SZT2: variants seen among roughly 807,000 people sequenced by gnomAD.
SZT2 encodes the protein KICSTOR complex protein SZT2.
Under a neutral mutation model 404.2 loss-of-function variants are expected in SZT2, and 216 were observed. The ratio of observed to expected loss-of-function variants is 0.53; its 90% CI spans 0.48 to 0.60. SZT2 has a LOEUF of 0.60. SZT2 is among the 20% of genes least tolerant of loss of function. SZT2 has a pLI of 0.00. For missense variants in SZT2, 3,857 were observed against 4,459.2 expected (o/e 0.86, Z 3.85); for synonymous variants, 1,693 against 1,749.9 (o/e 0.97, Z 0.81).
chr1:43,442,344 G>A lies in SZT2; in HGVS notation c.7950G>A (p.Leu2650=). 1 of 1,614,160 alleles carries A rather than the reference G, an allele frequency of 6.2e-7. No homozygotes were observed. The highest frequency in any genetic ancestry group is 8.5e-7 in the Non-Finnish European group (1 of 1,180,006). ...SGRNAPRQRL[L]LLEVVDKKLQ... ...GAAATGCTCCCCGGCAGAGGCTCTT[G>A]CTACTAGAGGTTGTGGACAAGAAGG... Residue 2650 remains leucine (L), a synonymous_variant, in exon 57 of 72, where the codon TTG becomes TTA. Coordinates refer to ENST00000634258, the MANE Select transcript of SZT2 (RefSeq NM_001365999.1). The surrounding 1 kb of genome is among the most constrained non-coding windows in gnomAD (Gnocchi z 4.5).
intron 35 of SZT2, 31 bp from the exon 36 acceptor site, chr1:43,431,685 A>T: frequency 1.9e-6 from 3 of 1,611,382 alleles, no homozygotes; most frequent in Non-Finnish European, 2.5e-6. Flanking sequence ...AGCAAGGGAG[A>T]TGCCCTTTGT....
intron 6 of SZT2, 97 bp from the exon 7 acceptor site, chr1:43,416,438 A>G (rs1410498936): frequency 1.1e-6 from 1 of 931,982 alleles, no homozygotes; most frequent in Non-Finnish European, 1.6e-6. Context: ...ATTGGTGGGA[A>G]GACACTGAGC....
Position 43,435,282 on chromosome 1 carries a change from G to A in SZT2, c.5987G>A (p.Ser1996Asn), listed in dbSNP as rs1316346657. 6 of 1,614,248 alleles carry A rather than the reference G, an allele frequency of 3.7e-6. No homozygotes were observed. Among genetic ancestry groups the A allele is most frequent in the East Asian group, 2.2e-5 (1 of 44,890 alleles). ...GAGAGTGAAGAAGATCTGTGGCGCA[G>A]TGAGACTCCCTTCCACTCCCGTCAG... ...VAESEEDLWR[S>N]ETPFHSRQRA... Residue 1996 changes from serine (S) to asparagine (N), a missense_variant, in exon 42 of 72, where the codon AGT becomes AAT. Around this residue, in one of 7 missense-constraint regions of SZT2, gnomAD observed 1,725 missense variants for 1,881.0 expected, o/e 0.92. Transcript: ENST00000634258.
Position 43,434,494 on chromosome 1 carries a change from C to T in SZT2, c.5904+9C>T. Reference sequence around the variant, plus strand: ...GCAGGGAGGTCAACCAGGTAAGGGGCAGGACTCTCCAGACCCGGACACACA... The same window carrying T: ...GCAGGGAGGTCAACCAGGTAAGGGGTAGGACTCTCCAGACCCGGACACACA... On this transcript the variant is annotated intron_variant, in intron 41 of 71. Transcript: ENST00000634258. 1 of 1,582,202 alleles carries T rather than the reference C, an allele frequency of 6.3e-7. No homozygotes were observed. The highest frequency in any genetic ancestry group is 8.6e-7 in the Non-Finnish European group (1 of 1,164,170).
In SZT2 at chr1:43,440,509, T is replaced by C. The variant is rs755853594; in HGVS notation, c.7267T>C (p.Phe2423Leu). 21 of 1,608,752 alleles carry C rather than the reference T, an allele frequency of 1.3e-5. No homozygotes were observed. Among genetic ancestry groups the C allele is most frequent in the Non-Finnish European group, 1.5e-5 (18 of 1,177,702 alleles). Residue 2423 changes from phenylalanine to leucine, a missense_variant, in exon 52 of 72, where the codon TTT becomes CTT. Phe to Leu is a conservative substitution (Grantham distance 22). Around this residue, in one of 7 missense-constraint regions of SZT2, gnomAD observed 573 missense variants for 592.4 expected, o/e 0.97. Coordinates refer to ENST00000634258, the MANE Select transcript of SZT2 (RefSeq NM_001365999.1). ...GAGCTCTGCAGGCCGAGCTAGCACC[T>C]TTCCCCCTGCCCCTGTCCCTGGGGA... Reference protein sequence around the residue: ...TKSSAGRASTFPPAPVPGEPV... With the variant: ...TKSSAGRASTLPPAPVPGEPV...
chr1:43,426,642 C>T lies in SZT2; in HGVS notation c.3215-73C>T. ...TGAGTTTTGGCTTTCCCCTTCCTCCCCCTTTCTTCAACCCAGAGTCCCGCC... is the reference window on the plus strand; with the variant it reads ...TGAGTTTTGGCTTTCCCCTTCCTCCTCCTTTCTTCAACCCAGAGTCCCGCC... On this transcript the variant is annotated intron_variant, in intron 22 of 71. Coordinates refer to ENST00000634258, the MANE Select transcript of SZT2 (RefSeq NM_001365999.1). This position sits in a 1 kb window ranked among gnomAD's most constrained non-coding sequence, Gnocchi z 4.9. The T allele has an allele frequency of 6.6e-7, 1 of 1,517,560 alleles. No homozygotes were observed. Among genetic ancestry groups the T allele is most frequent in the East Asian group, 2.5e-5 (1 of 40,798 alleles). The allele number at this position is 1,517,560 out of a possible 1,614,324, so 94.0% of individuals were successfully genotyped here. A position where few individuals can be genotyped will look rare whatever the true frequency, so the allele number is the denominator to read the frequency against.
intron 1 of SZT2, among the ~76,000 whole-genome samples, chr1:43,398,386 A>C (rs1272497475): frequency 6.6e-6 from 1 of 152,198 alleles, no homozygotes; most frequent in Non-Finnish European, 1.5e-5. Flanking sequence ...GTGATAAACA[A>C]ATGACTGCTG....
rs1020805440 is a variant in SZT2 at position 43,432,261 on chromosome 1, C to T, written c.5275-11C>T. On this transcript the variant is annotated splice_polypyrimidine_tract_variant and intron_variant, in intron 36 of 71. Coordinates refer to ENST00000634258, the MANE Select transcript of SZT2 (RefSeq NM_001365999.1). ...CCTGCCTAAACTGTGATCTTGGCTC[C>T]TGCTCTCTAGGAGTTCCGCCGCCTC... The T allele has an allele frequency of 6.5e-7, 1 of 1,533,632 alleles. No individual in the cohort carries two copies.
chr1:43,435,149 C>G (rs556641210), intron 41 of SZT2, 51 bp from the exon 42 acceptor site: 2 of 1,600,398 alleles, frequency 1.2e-6, no homozygotes, highest in South Asian at 1.1e-5. Context: ...CCACCACCAC[C>G]CACTTAGGAG....
intron 4 of SZT2, among the ~76,000 whole-genome samples, chr1:43,414,706 G>T (rs1231113626): frequency 6.6e-6 from 1 of 152,180 alleles, no homozygotes; most frequent in Non-Finnish European, 1.5e-5. Flanking sequence ...GCATTAAAAA[G>T]TATGAGAATA....
chr1:43,438,009 T>C, intron 46 of SZT2, 107 bp downstream of exon 46: 1 of 1,174,480 alleles, frequency 8.5e-7, no homozygotes, highest in Non-Finnish European at 1.2e-6. Flanking sequence ...TGTAACAGTC[T>C]CAGCCCAAGA....
At position 43,423,277 on chromosome 1, in the gene SZT2, T is replaced by C. The variant is rs1246831271; in HGVS notation, c.2216T>C (p.Leu739Pro). The C allele has an allele frequency of 1.3e-6, 2 of 1,564,582 alleles. No individual in the cohort carries two copies. The highest frequency in any genetic ancestry group is 2.4e-5 in the South Asian group (2 of 84,718). The stretch of plus-strand genomic sequence containing the variant: ...CAGGCCCTGTCTGACCGGCCCTGCC[T>C]TGTGGTCCTGCATAAGCCACTGGAC... ...PQQALSDRPCLVVLHKPLDKL... is the reference protein window; with the variant it reads ...PQQALSDRPCPVVLHKPLDKL... The change falls in exon 15 of 72, where the codon CTT becomes CCT. Residue 739 changes from leucine to proline, a missense_variant. Physicochemically the swap from Leu to Pro is moderately conservative, Grantham distance 98. Coordinates refer to ENST00000634258, the MANE Select transcript of SZT2 (RefSeq NM_001365999.1).
chr1:43,450,287 C>A lies in SZT2; in HGVS notation c.10156-50C>A. On this transcript the variant is annotated intron_variant, in intron 71 of 71. Coordinates refer to ENST00000634258, the MANE Select transcript of SZT2 (RefSeq NM_001365999.1). The surrounding 1 kb of genome is among the most constrained non-coding windows in gnomAD (Gnocchi z 4.3). ...CCCTTTCTGAGCCCTGCCTCCTATC[C>A]CCACCCATGCCCTCCTCTCACCAGT... 6.2e-7 allele frequency: 1 copy of A among 1,613,736 alleles called. No individual in the cohort carries two copies. The highest frequency in any genetic ancestry group is 8.5e-7 in the Non-Finnish European group (1 of 1,179,712).
Position 43,440,538 on chromosome 1 carries a change from T to G in SZT2, c.7296T>G (p.Pro2432=). 2 of 1,607,830 alleles carry G rather than the reference T, an allele frequency of 1.2e-6. No homozygotes were observed. The highest frequency in any genetic ancestry group is 1.7e-4 in the Middle Eastern group (1 of 6,042). Residue 2432 remains proline (P), a synonymous_variant, in exon 52 of 72, where the codon CCT becomes CCG. Transcript: ENST00000634258. ...CCCCTGCCCCTGTCCCTGGGGAGCC[T>G]GTGACTCCACCCAGCAAAGCGGGCC... ...TFPPAPVPGE[P]VTPPSKAGRR...
In SZT2 at chr1:43,427,089, A is replaced by T; in HGVS notation, c.3343A>T (p.Ile1115Phe). 6.2e-7 allele frequency: 1 copy of T among 1,614,042 alleles called. No homozygotes were observed. The highest frequency in any genetic ancestry group is 2.2e-5 in the East Asian group (1 of 44,866). Residue 1115 changes from isoleucine (I) to phenylalanine (F), a missense_variant, in exon 24 of 72, where the codon ATC becomes TTC. This residue lies in a region of SZT2 where 1,725 missense variants were observed against 1,881.0 expected (regional missense o/e 0.92). Coordinates refer to ENST00000634258, the MANE Select transcript of SZT2 (RefSeq NM_001365999.1). ...TCTTCCTGAAACTCTCAAGCCTCTCATCTCTGCCCAGCCCCCTCAGTGGCG... is the reference window on the plus strand; with the variant it reads ...TCTTCCTGAAACTCTCAAGCCTCTCTTCTCTGCCCAGCCCCCTCAGTGGCG... Reference protein sequence around the residue: ...VGLPETLKPLISAQPPQWRCY... With the variant: ...VGLPETLKPLFSAQPPQWRCY...
intron 65 of SZT2, 23 bp downstream of exon 65, chr1:43,446,439 C>A: frequency 1.2e-6 from 2 of 1,614,094 alleles, no homozygotes; most frequent in Non-Finnish European, 1.7e-6. Flanking sequence ...GCTGCGGGCA[C>A]AGTCAGTGCA....
rs2153936866 is a variant in SZT2 at position 43,447,846 on chromosome 1, C to G, written c.9441-3C>G. The G allele has an allele frequency of 6.2e-7, 1 of 1,614,084 alleles. No homozygotes were observed. The highest frequency in any genetic ancestry group is 8.5e-7 in the Non-Finnish European group (1 of 1,180,026). On this transcript the variant is annotated splice_polypyrimidine_tract_variant and splice_region_variant and intron_variant, in intron 67 of 71. Transcript: ENST00000634258. The stretch of plus-strand genomic sequence containing the variant: ...TGACATCTCCCCAACCCGTCCTGCA[C>G]AGTTCTGGCTCCTACCTGGACTCTG...
intron 62 of SZT2, among the ~76,000 whole-genome samples, chr1:43,444,158 G>A (rs553216821): frequency 2.0e-5 from 3 of 152,226 alleles, no homozygotes; most frequent in South Asian, 2.1e-4. Flanking sequence ...GTGCAGTGGC[G>A]CGATCTCGGC....
At position 43,439,207 on chromosome 1, in the gene SZT2, C is replaced by T. The variant is rs758710150; in HGVS notation, c.6792+114C>T. 2.9e-5 allele frequency: 45 copies of T among 1,542,436 alleles called. No individual in the cohort carries two copies. Among genetic ancestry groups the T allele is most frequent in the Admixed American group, 1.0e-4 (6 of 58,954 alleles). On this transcript the variant is annotated intron_variant, in intron 48 of 71. Coordinates refer to ENST00000634258, the MANE Select transcript of SZT2 (RefSeq NM_001365999.1). This position sits in a 1 kb window ranked among gnomAD's most constrained non-coding sequence, Gnocchi z 4.2. Reference sequence around the variant, plus strand: ...GTACCTTTGCCCATGGACCTGGGTACACCCATGCCCCCCCGGGGACCATTA... The same window carrying T: ...GTACCTTTGCCCATGGACCTGGGTATACCCATGCCCCCCCGGGGACCATTA...
Sources: gnomAD v4.1 joint callset for allele counts (sites outside exome capture counted in the v4.1 genomes callset) on GRCh38, gnomAD v4.1.1 for gene constraint, gnomAD v4.1.1 regional missense constraint, Gnocchi (gnomAD v3.1) non-coding constraint, MANE v1.5 for transcripts, NCBI Gene and HGNC (gene_info 2026-07-23, HGNC 2026-07-21) for gene names.